The following RBFOX1 variants were observed in gnomAD, a reference collection of about 807,000 sequenced individuals.
RBFOX1 encodes RNA binding protein fox-1 homolog 1.
Under a neutral mutation model 57.7 loss-of-function variants are expected in RBFOX1, and 8 were observed. That is an observed-to-expected ratio of 0.14 (90% confidence interval 0.08 to 0.25). The LOEUF is 0.25. Ranked by LOEUF, RBFOX1 falls within the 10% of genes least tolerant of loss-of-function variation. The pLI, the probability that RBFOX1 is intolerant of heterozygous loss-of-function variation, is 1.00. For synonymous variants in RBFOX1, 326 were observed against 222.4 expected (o/e 1.47, Z -4.15); for missense variants, 611 against 548.5 (o/e 1.11, Z -1.14).
At chr16:7,327,500 A>G (rs1393778058) in intron 4 of RBFOX1, among the ~76,000 whole-genome samples, 5 of 152,234 alleles carry the variant, frequency 3.3e-5, no homozygotes, top group East Asian at 1.9e-4. Context: ...TGAAATAAAC[A>G]TTGTCAATAT....
intron 2 of RBFOX1, among the ~76,000 whole-genome samples, chr16:6,329,314 G>A (rs1004442584): frequency 6.6e-6 from 1 of 152,138 alleles, no homozygotes; most frequent in Non-Finnish European, 1.5e-5. Context: ...GAGTGAGATA[G>A]GTTCTGCTAA....
At chr16:7,686,494 G>C (rs1198133858) in intron 14 of RBFOX1, among the ~76,000 whole-genome samples, 2 of 151,968 alleles carry the variant, frequency 1.3e-5, no homozygotes, top group East Asian at 3.9e-4. Context: ...TCACCGCTTT[G>C]GATTTTTGTA....
intron 4 of RBFOX1, among the ~76,000 whole-genome samples, chr16:5,884,452 C>T (rs1488860370): frequency 1.3e-5 from 2 of 148,148 alleles, no homozygotes; most frequent in East Asian, 2.0e-4. Flanking sequence ...GCCCCGCCCC[C>T]CGCTCCCCAC....
chr16:6,918,663 C>G (rs1024553975), intron 3 of RBFOX1, among the ~76,000 whole-genome samples: 2 of 152,122 alleles, frequency 1.3e-5, no homozygotes, highest in Non-Finnish European at 2.9e-5. Context: ...ACTGAGTGTC[C>G]TACCCAATGG....
intron 4 of RBFOX1, among the ~76,000 whole-genome samples, chr16:7,125,325 G>A (rs1287765824): frequency 6.6e-6 from 1 of 152,106 alleles, no homozygotes; most frequent in Non-Finnish European, 1.5e-5. Flanking sequence ...AGTGGCAAGG[G>A]TATAAAATCA....
rs769525421 is a variant in RBFOX1, at chr16:7,388,340, T to C, written c.28-129807T>C. Reference sequence around the variant, plus strand: ...TGAATACAAGTGGCAATGAGATGCATGAAAATTATTTTCAGCTGATGAATA... The same window carrying C: ...TGAATACAAGTGGCAATGAGATGCACGAAAATTATTTTCAGCTGATGAATA... On this transcript the variant is annotated intron_variant, in intron 4 of 15. Transcript: ENST00000550418. Among the ~76,000 whole-genome samples the C allele has an allele frequency of 1.1e-4, 17 of 152,204 alleles. 1 individual carries two copies. Among genetic ancestry groups the C allele is most frequent in the South Asian group, 8.3e-4 (4 of 4,834 alleles).
chr16:6,677,801 A>AT (rs1429192471), intron 3 of RBFOX1, among the ~76,000 whole-genome samples: 1 of 152,156 alleles, frequency 6.6e-6, no homozygotes, highest in Admixed American at 6.5e-5. Context: ...AGACTGAACA[A>AT]TGGTGGCAGA....
chr16:6,433,241 A>G (rs1477963399), intron 2 of RBFOX1, among the ~76,000 whole-genome samples: 1 of 152,224 alleles, frequency 6.6e-6, no homozygotes, highest in Non-Finnish European at 1.5e-5. Flanking sequence ...GCAAATGAGA[A>G]GTCATAGAGA....
intron 1 of RBFOX1, among the ~76,000 whole-genome samples, chr16:5,280,766 A>T (rs189068188): frequency 6.6e-6 from 1 of 151,498 alleles, no homozygotes; most frequent in Admixed American, 6.6e-5. Context: ...TTTCTTTGGT[A>T]ACAGTTGTAA....
intron 4 of RBFOX1, among the ~76,000 whole-genome samples, chr16:7,358,441 G>A (rs2097258830): frequency 6.6e-6 from 1 of 151,378 alleles, no homozygotes. Flanking sequence ...TTTTTTTTGA[G>A]GTGGAGTTTT....
At chr16:6,798,909 A>G (rs528985069) in intron 3 of RBFOX1, among the ~76,000 whole-genome samples, 1 of 152,272 alleles carries the variant, frequency 6.6e-6, no homozygotes, top group East Asian at 1.9e-4. Context: ...GAGAAAAAAA[A>G]TGAATTCTTG....
At chr16:5,486,789 G>A (rs964512470) in intron 2 of RBFOX1, among the ~76,000 whole-genome samples, 15 of 147,270 alleles carry the variant, frequency 1.0e-4, no homozygotes, top group Non-Finnish European at 2.1e-4. Context: ...AAAACTCAGT[G>A]TTTTTTTTTT....
At chr16:5,471,922 G>C (rs939485982) in intron 2 of RBFOX1, among the ~76,000 whole-genome samples, 1 of 152,096 alleles carries the variant, frequency 6.6e-6, no homozygotes, top group South Asian at 2.1e-4. Flanking sequence ...ATGCAGCATG[G>C]GTGGAAAAAA....
intron 4 of RBFOX1, among the ~76,000 whole-genome samples, chr16:7,500,518 A>G (rs1270163664): frequency 3.3e-5 from 5 of 152,210 alleles, no homozygotes; most frequent in African/African-American, 4.8e-5. Context: ...TGCATCATGC[A>G]TCTAAGCCTA....
chr16:5,446,388 C>T (rs953214154), intron 1 of RBFOX1, among the ~76,000 whole-genome samples: 1 of 152,140 alleles, frequency 6.6e-6, no homozygotes, highest in African/African-American at 2.4e-5. Context: ...TTCAAACATG[C>T]TCACTGGAAA....
intron 1 of RBFOX1, among the ~76,000 whole-genome samples, chr16:6,212,738 A>G (rs1002548708): frequency 6.6e-6 from 1 of 151,780 alleles, no homozygotes; most frequent in Non-Finnish European, 1.5e-5. Flanking sequence ...CAAAAAAAAA[A>G]CCCACTAATA....
intron 2 of RBFOX1, among the ~76,000 whole-genome samples, chr16:6,493,336 A>T (rs2095678379): frequency 6.6e-6 from 1 of 152,128 alleles, no homozygotes; most frequent in South Asian, 2.1e-4. Context: ...ATATGTGTTA[A>T]CAGTAATGGT....
intron 4 of RBFOX1, among the ~76,000 whole-genome samples, chr16:7,132,345 C>T (rs2070713404): frequency 6.6e-6 from 1 of 151,800 alleles, no homozygotes. Context: ...CTCCTATGTT[C>T]ACTGCAGCAT....
chr16:5,947,363 A>G lies in RBFOX1; in HGVS notation c.351+80028A>G, dbSNP rs1330930186. Among the ~76,000 whole-genome samples, 1 of 152,126 alleles carries G rather than the reference A, an allele frequency of 6.6e-6. No individual in the cohort carries two copies. Among genetic ancestry groups the G allele is most frequent in the Non-Finnish European group, 1.5e-5 (1 of 68,020 alleles). On this transcript the variant is annotated intron_variant, in intron 4 of 19. Transcript: ENST00000641259. The surrounding 1 kb of genome is among the most constrained non-coding windows in gnomAD (Gnocchi z 7.2). ...CAACCATGTGTTCTACATTGCAATG[A>G]CAGATTTTTGTTCTGTTTTGTTTTC...
Sources: allele counts gnomAD v4.1 joint callset (sites outside exome capture counted in the v4.1 genomes callset), GRCh38; gene constraint gnomAD v4.1.1; non-coding constraint Gnocchi (gnomAD v3.1); transcripts MANE v1.5; gene names NCBI Gene and HGNC (gene_info 2026-07-23, HGNC 2026-07-21).